The following MYO5C variants were observed in gnomAD, a reference collection of about 807,000 sequenced individuals.
MYO5C encodes the protein unconventional myosin-Vc.
In MYO5C, 194 loss-of-function variants were observed where a neutral mutation model predicts 235.7. The observed-to-expected ratio is 0.82, with a 90% CI of 0.73 to 0.93. The LOEUF is 0.93. Among genes scored for constraint, MYO5C ranks in the 40% least tolerant of loss-of-function variants. MYO5C has a pLI of 0.00. For synonymous variants in MYO5C, 707 were observed against 754.8 expected (o/e 0.94, Z 1.04); for missense variants, 2,038 against 2,127.2 (o/e 0.96, Z 0.82).
At chr15:52,238,391 T>G (rs185085916) in intron 21 of MYO5C, among the ~76,000 whole-genome samples, 36 of 152,328 alleles carry the variant, frequency 2.4e-4, no homozygotes, top group Admixed American at 1.5e-3. Context: ...CTGTGTAGCA[T>G]GCAGGCTTGT....
chr15:52,218,324 G>A (rs190398936), intron 32 of MYO5C, among the ~76,000 whole-genome samples, 195 bp downstream of exon 32: 7 of 152,224 alleles, frequency 4.6e-5, no homozygotes, highest in African/African-American at 9.6e-5. Flanking sequence ...CTCCCCAGGC[G>A]GGCCTGTAAG....
At chr15:52,198,659 G>A (rs1412749480) in intron 38 of MYO5C, among the ~76,000 whole-genome samples, 1 of 151,860 alleles carries the variant, frequency 6.6e-6, no homozygotes, top group Non-Finnish European at 1.5e-5. Context: ...TCAGCTCACT[G>A]CAACCTCCAT....
At chr15:52,278,399 A>G (rs1484088232) in intron 4 of MYO5C, among the ~76,000 whole-genome samples, 2 of 152,118 alleles carry the variant, frequency 1.3e-5, no homozygotes, top group African/African-American at 4.8e-5. Context: ...CTTTTCATAC[A>G]TGTGCACTAG....
At chr15:52,270,768 C>T (rs934679995) in intron 7 of MYO5C, among the ~76,000 whole-genome samples, 13 of 152,012 alleles carry the variant, frequency 8.6e-5, no homozygotes, top group African/African-American at 3.1e-4. Flanking sequence ...TGCAGGTTCA[C>T]TATTCACATT....
At chr15:52,285,999 C>T (rs542246800) in intron 1 of MYO5C, among the ~76,000 whole-genome samples, 1 of 152,228 alleles carries the variant, frequency 6.6e-6, no homozygotes, top group African/African-American at 2.4e-5. Flanking sequence ...AGCGTCTCTG[C>T]CCAGCCGCCC....
At chr15:52,282,641 G>A (rs1194550130) in intron 2 of MYO5C, 141 bp downstream of exon 2, 4 of 650,514 alleles carry the variant, frequency 6.1e-6, no homozygotes, top group Non-Finnish European at 1.1e-5. Flanking sequence ...GGCACCAGGA[G>A]GCCATTTGGG....
intron 30 of MYO5C, among the ~76,000 whole-genome samples, chr15:52,220,497 C>T (rs955927898): frequency 1.3e-5 from 2 of 152,190 alleles, no homozygotes; most frequent in Non-Finnish European, 1.5e-5. Context: ...GGACTACAGG[C>T]GCATACTGCC....
At position 52,260,889 on chromosome 15, in the gene MYO5C, G is replaced by A; in HGVS notation, c.1286C>T (p.Thr429Ile). The change falls in exon 10 of 41, where the codon ACT becomes ATT. Residue 429 changes from threonine to isoleucine, a missense_variant. Coordinates refer to ENST00000261839, the MANE Select transcript of MYO5C (RefSeq NM_018728.4). ...ATAAATGTCCAAAACACCAATAAAAGTGTGCTGCTTGCCTGAAAACTGCAA... is the reference window on the plus strand; with the variant it reads ...ATAAATGTCCAAAACACCAATAAAAATGTGCTGCTTGCCTGAAAACTGCAA... ...QALQFSGKQH[T>I]FIGVLDIYGF... 6.2e-7 allele frequency: 1 copy of A among 1,614,178 alleles called. No homozygotes were observed. Among genetic ancestry groups the A allele is most frequent in the South Asian group, 1.1e-5 (1 of 91,084 alleles).
chr15:52,219,669 T>C, intron 31 of MYO5C, 90 bp downstream of exon 31: 1 of 995,704 alleles, frequency 1.0e-6, no homozygotes, highest in Non-Finnish European at 1.6e-6. Context: ...TCTTGCTTTT[T>C]GGCATTAGTA....
At chr15:52,237,746 G>A in intron 21 of MYO5C, 100 bp from the exon 22 acceptor site, 1 of 1,183,630 alleles carries the variant, frequency 8.4e-7, no homozygotes, top group Non-Finnish European at 1.2e-6. Flanking sequence ...AATTTGAGAG[G>A]TTGCTTTATG....
chr15:52,260,896 G>C lies in MYO5C; in HGVS notation c.1279C>G (p.Gln427Glu). The C allele has an allele frequency of 6.2e-7, 1 of 1,614,206 alleles. No individual in the cohort carries two copies. Among genetic ancestry groups the C allele is most frequent in the Non-Finnish European group, 8.5e-7 (1 of 1,180,046 alleles). ...INQALQFSGK[Q>E]HTFIGVLDIY... The stretch of plus-strand genomic sequence containing the variant: ...TCCAAAACACCAATAAAAGTGTGCT[G>C]CTTGCCTGAAAACTGCAACGCTTGG... Residue 427 changes from glutamine (Q) to glutamate (E), a missense_variant, in exon 10 of 41, where the codon CAG becomes GAG. Coordinates refer to ENST00000261839, the MANE Select transcript of MYO5C (RefSeq NM_018728.4).
intron 28 of MYO5C, among the ~76,000 whole-genome samples, chr15:52,224,151 C>T (rs1467479324): frequency 1.4e-4 from 21 of 152,006 alleles, no homozygotes; most frequent in Admixed American, 1.2e-3. Context: ...GGTGTGGTAG[C>T]GCATGCCTGT....
intron 11 of MYO5C, among the ~76,000 whole-genome samples, chr15:52,255,672 T>C (rs2036564668): frequency 6.6e-6 from 1 of 152,062 alleles, no homozygotes; most frequent in Admixed American, 6.6e-5. Context: ...GTGAATTCAA[T>C]AAAGTTCTTG....
chr15:52,219,355 A>T (rs980172169), intron 31 of MYO5C, among the ~76,000 whole-genome samples: 3 of 152,174 alleles, frequency 2.0e-5, no homozygotes, highest in Non-Finnish European at 4.4e-5. Context: ...TTCTTACCCT[A>T]AATAGTCTGC....
rs562574955 is a variant in MYO5C at position 52,246,957 on chromosome 15, C to T, written c.1939G>A (p.Val647Ile). ...TCATCATTTGGCTTGATGCATCGAA[C>T]GTAGTGGGGCGTCGTCGCATTGAGG... ...ETLNATTPHYVRCIKPNDEKL... is the reference protein window; with the variant it reads ...ETLNATTPHYIRCIKPNDEKL... Residue 647 changes from valine to isoleucine, a missense_variant, in exon 16 of 41, where the codon GTT (valine) becomes ATT (isoleucine). By Grantham distance (29) the Val-to-Ile change is conservative. Coordinates refer to ENST00000261839, the MANE Select transcript of MYO5C (RefSeq NM_018728.4). 4.5e-5 allele frequency: 73 copies of T among 1,613,990 alleles called. 1 individual carries two copies. The South Asian group carries it at 5.3e-4, about 12-fold the overall frequency.
chr15:52,291,738 T>TTTTTTTTTTTTTTTTTTTG (rs2037395392), intron 1 of MYO5C, among the ~76,000 whole-genome samples: 1 of 80,234 alleles, frequency 1.2e-5, no homozygotes, highest in Non-Finnish European at 2.8e-5. Flanking sequence ...TATGTTTTTT[T>TTTTTTTTTTTTTTTTTTTG]TTTTTTTTTT....
intron 25 of MYO5C, among the ~76,000 whole-genome samples, chr15:52,228,070 C>G (rs193092356): frequency 1.5e-3 from 227 of 152,262 alleles, no homozygotes; most frequent in African/African-American, 5.3e-3. Context: ...TTCATCCATT[C>G]ATTCATTTTT....
chr15:52,272,772 C>A (rs943739144), intron 5 of MYO5C, 49 bp from the exon 6 acceptor site: 1 of 1,592,894 alleles, frequency 6.3e-7, no homozygotes, highest in East Asian at 2.2e-5. Context: ...AAGATTTTTG[C>A]CTCAAAATTA....
chr15:52,223,511 G>T, intron 29 of MYO5C, 33 bp downstream of exon 29: 1 of 1,594,642 alleles, frequency 6.3e-7, no homozygotes, highest in Non-Finnish European at 8.6e-7. Flanking sequence ...CTAGTATGAT[G>T]GCCACGACTG....
Sources: allele counts gnomAD v4.1 joint callset (sites outside exome capture counted in the v4.1 genomes callset), GRCh38; gene constraint gnomAD v4.1.1; transcripts MANE v1.5; gene names NCBI Gene and HGNC (gene_info 2026-07-23, HGNC 2026-07-21).